The following ERICH3 variants were observed in gnomAD, a reference collection of about 807,000 sequenced individuals.
ERICH3 encodes glutamate rich 3, also known as glutamate-rich protein 3.
A neutral mutation model predicts 131.1 loss-of-function variants in ERICH3; 126 were observed. The ratio of observed to expected loss-of-function variants is 0.96; its 90% CI spans 0.83 to 1.11. The LOEUF is 1.11. Among genes scored for constraint, ERICH3 ranks in the 50% most tolerant of loss-of-function variants. The pLI, the probability that ERICH3 is intolerant of heterozygous loss-of-function variation, is 0.00. For missense variants in ERICH3, 2,050 were observed against 1,810.7 expected (o/e 1.13, Z -2.40); for synonymous variants, 695 against 644.6 (o/e 1.08, Z -1.18).
At chr1:74,599,375 TGA>T (rs1403104211) in intron 11 of ERICH3, among the ~76,000 whole-genome samples, 1 of 151,848 alleles carries the variant, frequency 6.6e-6, no homozygotes, top group South Asian at 2.1e-4. Flanking sequence ...AGCTAAATGA[TGA>T]GAACACATGG....
rs1193798818 is a variant in ERICH3, at chr1:74,569,471, C to T, written c.*987G>A. 11 of 152,136 alleles carry T rather than the reference C, an allele frequency of 7.2e-5. 1 individual carries two copies. The East Asian group carries it at 1.7e-3, about 24-fold the overall frequency. The allele number at this position is 152,136 out of a possible 1,614,324, so 9.4% of individuals were successfully genotyped here. A position where few individuals can be genotyped will look rare whatever the true frequency, so the allele number is the denominator to read the frequency against. On this transcript the variant is annotated 3_prime_UTR_variant, in exon 15 of 15. Transcript: ENST00000326665. Reference sequence around the variant, plus strand: ...TAATATCAGGGAGTAATTTAGAATGCAGTTGTTACTGTTGATTTATAATGA... The same window carrying T: ...TAATATCAGGGAGTAATTTAGAATGTAGTTGTTACTGTTGATTTATAATGA...
At position 74,590,626 on chromosome 1, in the gene ERICH3, G is replaced by C. The variant is rs1647546984; in HGVS notation, c.1727-546C>G. Among the ~76,000 whole-genome samples the C allele has an allele frequency of 3.9e-5, 6 of 152,288 alleles. No homozygotes were observed. The South Asian group carries it at 1.2e-3, about 32-fold the overall frequency. On this transcript the variant is annotated intron_variant, in intron 11 of 14. Coordinates refer to ENST00000326665, the MANE Select transcript of ERICH3 (RefSeq NM_001002912.5). The stretch of plus-strand genomic sequence containing the variant: ...ATGGACCTCAGGCAGTAATGCCAGC[G>C]ATAGGGGATGGGAAGTGGCTGTAAA...
At chr1:74,619,105 C>T (rs912883802) in intron 8 of ERICH3, among the ~76,000 whole-genome samples, 1 of 152,222 alleles carries the variant, frequency 6.6e-6, no homozygotes, top group Admixed American at 6.5e-5. Flanking sequence ...ATTTAAGTCC[C>T]CATTCCATGC....
chr1:74,614,367 T>TAAAAA (rs58516429), intron 8 of ERICH3, among the ~76,000 whole-genome samples: 16 of 114,938 alleles, frequency 1.4e-4, no homozygotes, highest in African/African-American at 4.9e-4. Context: ...ATTTTTTCCC[T>TAAAAA]AAAAAAAAAA....
intron 3 of ERICH3, 37 bp from the exon 4 acceptor site, chr1:74,643,135 TCA>T: frequency 6.6e-7 from 1 of 1,525,732 alleles, no homozygotes; most frequent in Non-Finnish European, 9.0e-7. Context: ...GAGAATCATA[TCA>T]GTTATAGCAA....
At position 74,572,752 on chromosome 1, in the gene ERICH3, C is replaced by T. The variant is rs1040745701; in HGVS notation, c.2958G>A (p.Glu986=). The change falls in exon 14 of 15, where the codon GAG becomes GAA. Residue 986 remains glutamate, a synonymous_variant. Transcript: ENST00000326665. The part of the protein sequence containing the change: ...GGEEPAKERK[E]VMRTETRLSP... ...TCAAGCGTGTTTCTGTTCTCATAAC[C>T]TCTTTTCTCTCTTTGGCTGGTTCCT... 11 of 1,613,808 alleles carry T rather than the reference C, an allele frequency of 6.8e-6. No individual in the cohort carries two copies. The highest frequency in any genetic ancestry group is 1.7e-5 in the Admixed American group (1 of 59,974).
chr1:74,599,492 G>A (rs1036868204), intron 11 of ERICH3, among the ~76,000 whole-genome samples: 7 of 151,798 alleles, frequency 4.6e-5, no homozygotes, highest in African/African-American at 1.5e-4. Flanking sequence ...TAATACCTGG[G>A]TGATGAAATA....
chr1:74,672,781 C>CT (rs200023621), intron 1 of ERICH3, among the ~76,000 whole-genome samples: 14,067 of 146,610 alleles, frequency 0.096, 687 homozygotes, highest in East Asian at 0.13. Flanking sequence ...AAAAAAGAAA[C>CT]TTTTTTTTTT....
intron 7 of ERICH3, among the ~76,000 whole-genome samples, chr1:74,629,233 GAAAA>G (rs529953580): frequency 7.0e-6 from 1 of 142,670 alleles, no homozygotes; most frequent in Non-Finnish European, 1.5e-5. Flanking sequence ...AGATAAAATT[GAAAA>G]AAAAAACCTC....
chr1:74,592,557 T>A (rs1464935007), intron 11 of ERICH3, among the ~76,000 whole-genome samples: 1 of 152,208 alleles, frequency 6.6e-6, no homozygotes, highest in African/African-American at 2.4e-5. Context: ...TACTTTTAGC[T>A]CTGAGAGTTG....
At chr1:74,592,415 A>G (rs1196579810) in intron 11 of ERICH3, among the ~76,000 whole-genome samples, 2 of 152,184 alleles carry the variant, frequency 1.3e-5, no homozygotes, top group Non-Finnish European at 2.9e-5. Flanking sequence ...TCTTTAAAAA[A>G]AGAACATCAG....
intron 11 of ERICH3, among the ~76,000 whole-genome samples, chr1:74,595,784 T>A (rs941325891): frequency 6.6e-6 from 1 of 152,106 alleles, no homozygotes; most frequent in African/African-American, 2.4e-5. Flanking sequence ...TCACCTGAAG[T>A]TATGCCTTCC....
intron 1 of ERICH3, among the ~76,000 whole-genome samples, chr1:74,659,434 C>T (rs1421384474): frequency 1.3e-5 from 2 of 152,130 alleles, no homozygotes; most frequent in Non-Finnish European, 2.9e-5. Context: ...GAGGGTAAAA[C>T]TGAGAGAAGG....
chr1:74,612,078 A>G (rs1044908998), intron 9 of ERICH3, among the ~76,000 whole-genome samples: 5 of 152,342 alleles, frequency 3.3e-5, no homozygotes, highest in South Asian at 4.1e-4. Context: ...ATGAAAGCTG[A>G]TAACAGTCAA....
At position 74,594,181 on chromosome 1, in the gene ERICH3, T is replaced by A. The variant is rs555109057; in HGVS notation, c.1727-4101A>T. Among the ~76,000 whole-genome samples the A allele has an allele frequency of 2.8e-4, 42 of 152,214 alleles. 1 individual carries two copies. In the East Asian group the frequency reaches 7.4e-3, roughly 27 times the overall value. On this transcript the variant is annotated intron_variant, in intron 11 of 14. Transcript: ENST00000326665. ...GTCTTCCCTAGTTTATTTATAACAT[T>A]TATCATGATGCTATTTTATGAAAAT...
At position 74,589,946 on chromosome 1, in the gene ERICH3, G is replaced by GAGA; in HGVS notation, c.1858_1860dup (p.Ser620dup). The GAGA allele has an allele frequency of 6.2e-7, 1 of 1,614,040 alleles. No homozygotes were observed. The highest frequency in any genetic ancestry group is 8.5e-7 in the Non-Finnish European group (1 of 1,179,970). On this transcript the variant is annotated inframe_insertion, in exon 12 of 15. Transcript: ENST00000326665. ...GGCTTATCATTTTCACTCAGTTCCT[G>GAGA]AGAAGATGACCTTCTGGCACTTTCA... is the stretch of plus-strand genomic sequence containing the variant.
chr1:74,634,520 G>A (rs1004945382), intron 6 of ERICH3: 5 of 587,828 alleles, frequency 8.5e-6, no homozygotes, highest in Admixed American at 3.2e-5. Context: ...CAGATTTGAA[G>A]AGTCACATTA....
At chr1:74,637,814 G>T (rs1483496808) in intron 5 of ERICH3, among the ~76,000 whole-genome samples, 1 of 152,004 alleles carries the variant, frequency 6.6e-6, no homozygotes, top group East Asian at 1.9e-4. Flanking sequence ...AGGAGTCTGA[G>T]GTGGGAGGTC....
intron 1 of ERICH3, among the ~76,000 whole-genome samples, chr1:74,650,250 CTTTTA>C (rs972621157): frequency 8.5e-5 from 13 of 152,112 alleles, no homozygotes; most frequent in South Asian, 6.2e-4. Context: ...TTTTTAGTGT[CTTTTA>C]TTTTAAGAGT....
Sources: allele counts gnomAD v4.1 joint callset (sites outside exome capture counted in the v4.1 genomes callset), GRCh38; gene constraint gnomAD v4.1.1; transcripts MANE v1.5; gene names NCBI Gene and HGNC (gene_info 2026-07-23, HGNC 2026-07-21).